KAT6B: variants seen among roughly 807,000 people sequenced by gnomAD.
KAT6B encodes lysine acetyltransferase 6B, also known as histone acetyltransferase KAT6B.
In KAT6B, 10 loss-of-function variants were observed where a neutral mutation model predicts 187.5. That is an observed-to-expected ratio of 0.05 (90% CI 0.03 to 0.09). The LOEUF (loss-of-function observed/expected upper bound fraction) is 0.09, where lower values mean the gene tolerates loss of function less well. Among genes scored for constraint, KAT6B ranks in the 10% least tolerant of loss-of-function variants. The probability of loss-of-function intolerance (pLI) is 1.00; values close to 1 mark genes in which losing one functional copy is unlikely to be tolerated. For missense variants in KAT6B, 1,952 were observed against 2,558.9 expected (o/e 0.76, Z 5.12); for synonymous variants, 861 against 926.8 (o/e 0.93, Z 1.29).
chr10:74,885,734 CTT>C (rs149580820), intron 3 of KAT6B, among the ~76,000 whole-genome samples: 34 of 135,438 alleles, frequency 2.5e-4, no homozygotes, highest in South Asian at 2.4e-4. Context: ...AGGAGAAGTT[CTT>C]TTTTTTTTTT....
In KAT6B at chr10:74,856,609, G is replaced by C. The variant is rs546874539; in HGVS notation, c.621+13131G>C. Among the ~76,000 whole-genome samples, 185 of 152,146 alleles carry C rather than the reference G, an allele frequency of 1.2e-3. 1 individual carries two copies. Among genetic ancestry groups the C allele is most frequent in the African/African-American group, 4.0e-3 (165 of 41,524 alleles). On this transcript the variant is annotated intron_variant, in intron 3 of 17. Coordinates refer to ENST00000287239, the MANE Select transcript of KAT6B (RefSeq NM_012330.4). ...AGTAAACATTTTTGACAAGAATAGCGTGTGGGGGTCTGGGAGTGGTGGCTC... is the reference window on the plus strand; with the variant it reads ...AGTAAACATTTTTGACAAGAATAGCCTGTGGGGGTCTGGGAGTGGTGGCTC...
intron 3 of KAT6B, among the ~76,000 whole-genome samples, chr10:74,916,489 T>C (rs999228929): frequency 3.3e-5 from 5 of 152,244 alleles, no homozygotes; most frequent in African/African-American, 1.2e-4. Context: ...CCCAGTGGTA[T>C]TGAATTTCAT....
chr10:75,017,105 T>A (rs990712513), intron 13 of KAT6B, among the ~76,000 whole-genome samples: 1 of 151,864 alleles, frequency 6.6e-6, no homozygotes, highest in African/African-American at 2.4e-5. Flanking sequence ...TCAGGTGATC[T>A]GCCCACCTCA....
intron 1 of KAT6B, among the ~76,000 whole-genome samples, chr10:74,828,332 C>G (rs1258683446): frequency 1.3e-5 from 2 of 151,806 alleles, no homozygotes; most frequent in African/African-American, 4.8e-5. Context: ...GTTGGAGGTA[C>G]CAAGGAAATT....
intron 3 of KAT6B, among the ~76,000 whole-genome samples, chr10:74,856,827 G>C (rs1842856544): frequency 2.6e-5 from 4 of 152,168 alleles, no homozygotes. Flanking sequence ...CTTGAATCCA[G>C]GAGATGGAGG....
At chr10:74,829,442 G>A in intron 1 of KAT6B, among the ~76,000 whole-genome samples, 1 of 151,742 alleles carries the variant, frequency 6.6e-6, no homozygotes, top group Non-Finnish European at 1.5e-5. Flanking sequence ...TTTGTACTGA[G>A]AGAAAAGGAA....
chr10:75,018,499 T>A (rs1284327034), intron 13 of KAT6B, among the ~76,000 whole-genome samples: 1 of 152,226 alleles, frequency 6.6e-6, no homozygotes, highest in Admixed American at 6.5e-5. Context: ...AGGGTGTGTG[T>A]GCACCACTTC....
In KAT6B at chr10:75,025,173, G is replaced by A. The variant is rs746321550; in HGVS notation, c.3588G>A (p.Gln1196=). 1 of 1,614,230 alleles carries A rather than the reference G, an allele frequency of 6.2e-7. No homozygotes were observed. The highest frequency in any genetic ancestry group is 1.1e-5 in the South Asian group (1 of 91,086). ...TCCTGAGAAAAGCATTCCAGCATCA[G>A]CCTGGGAAGAAAAGACAAACAGAGG... ...KPVLRKAFQH[Q]PGKKRQTEEE... Residue 1196 remains glutamine, a synonymous_variant, in exon 17 of 18, where the codon CAG becomes CAA. Coordinates refer to ENST00000287239, the MANE Select transcript of KAT6B (RefSeq NM_012330.4).
At chr10:74,927,973 G>T (rs1283137985) in intron 3 of KAT6B, among the ~76,000 whole-genome samples, 1 of 152,092 alleles carries the variant, frequency 6.6e-6, no homozygotes, top group Admixed American at 6.5e-5. Flanking sequence ...AGTGCTCCAG[G>T]AAAAAGAAAT....
At chr10:74,876,940 AC>A (rs1390607010) in intron 3 of KAT6B, among the ~76,000 whole-genome samples, 1 of 151,590 alleles carries the variant, frequency 6.6e-6, no homozygotes, top group Non-Finnish European at 1.5e-5. Context: ...AATAAAGAAA[AC>A]TTTTTTTTTG....
rs779092722 is a variant in KAT6B at position 75,021,976 on chromosome 10, A to G, written c.3117A>G (p.Val1039=). ...RANSRQSPAK[V]QSKNKYLHSP... is the part of the protein sequence containing the mutation. Reference sequence around the variant, plus strand: ...ACAGTAGGCAATCACCTGCAAAAGTACAATCGAAAAATAAATATTTGCATT... The same window carrying G: ...ACAGTAGGCAATCACCTGCAAAAGTGCAATCGAAAAATAAATATTTGCATT... Residue 1039 remains valine, a synonymous_variant, in exon 16 of 18, where the codon GTA becomes GTG. Coordinates refer to ENST00000287239, the MANE Select transcript of KAT6B (RefSeq NM_012330.4). 11 of 1,614,092 alleles carry G rather than the reference A, an allele frequency of 6.8e-6. No individual in the cohort carries two copies. The Admixed American group carries it at 1.8e-4, about 27-fold the overall frequency.
At chr10:74,971,662 C>G (rs1841854559) in intron 6 of KAT6B, among the ~76,000 whole-genome samples, 1 of 152,004 alleles carries the variant, frequency 6.6e-6, no homozygotes. Flanking sequence ...TTTGCAGAAG[C>G]TCTTTTTTTG....
chr10:74,930,582 T>C (rs1049725008), intron 3 of KAT6B, among the ~76,000 whole-genome samples: 14 of 152,248 alleles, frequency 9.2e-5, no homozygotes, highest in African/African-American at 2.9e-4. Flanking sequence ...GTTCTTTTAT[T>C]TGATGTGACA....
Position 75,029,145 on chromosome 10 carries a change from A to G in KAT6B, c.4321A>G (p.Lys1441Glu). ...CCACATGGAGTCTGCCGAAGTGGAGAAGGAAGAGCTGCCCAGAGAAAGCTT... is the reference window on the plus strand; with the variant it reads ...CCACATGGAGTCTGCCGAAGTGGAGGAGGAAGAGCTGCCCAGAGAAAGCTT... ...DSHMESAEVE[K>E]EELPRESFKE... The change falls in exon 18 of 18, where the codon AAG (lysine) becomes GAG (glutamate). Residue 1441 changes from lysine to glutamate, a missense_variant. Physicochemically the swap from Lys to Glu is moderately conservative, Grantham distance 56. This residue lies in a region of KAT6B where 758 missense variants were observed against 891.4 expected (regional missense o/e 0.85). Coordinates refer to ENST00000287239, the MANE Select transcript of KAT6B (RefSeq NM_012330.4). The surrounding 1 kb of genome is among the most constrained non-coding windows in gnomAD (Gnocchi z 6.2). 6.2e-7 allele frequency: 1 copy of G among 1,614,154 alleles called. No individual in the cohort carries two copies. The highest frequency in any genetic ancestry group is 1.3e-5 in the African/African-American group (1 of 75,012).
intron 3 of KAT6B, among the ~76,000 whole-genome samples, chr10:74,950,878 C>A (rs57915422): frequency 6.6e-6 from 1 of 151,892 alleles, no homozygotes; most frequent in Non-Finnish European, 1.5e-5. Context: ...CAGCACCAGC[C>A]GAGGCAGGTG....
At chr10:75,010,970 A>G (rs1044827634) in intron 13 of KAT6B, among the ~76,000 whole-genome samples, 3 of 152,196 alleles carry the variant, frequency 2.0e-5, no homozygotes, top group East Asian at 3.8e-4. Flanking sequence ...TTTAAAGTGT[A>G]TATGTGTTCG....
rs1589457121 is a variant in KAT6B, at chr10:74,845,507, G to A, written c.621+2029G>A. ...ACTGCACTCCAGCCTGGGTGACAGAGCGAGACTCTGTCTCAAAAAAAAAAA... is the reference window on the plus strand; with the variant it reads ...ACTGCACTCCAGCCTGGGTGACAGAACGAGACTCTGTCTCAAAAAAAAAAA... On this transcript the variant is annotated intron_variant, in intron 3 of 17. Coordinates refer to ENST00000287239, the MANE Select transcript of KAT6B (RefSeq NM_012330.4). 2.2e-5 allele frequency among the ~76,000 whole-genome samples: 3 copies of A among 134,340 alleles called. 1 individual carries two copies. Among genetic ancestry groups the A allele is most frequent in the African/African-American group, 9.1e-5 (3 of 33,092 alleles). 88.1% of individuals were successfully genotyped at this position (134,340 alleles called of 152,430 possible). A position where few individuals can be genotyped will look rare whatever the true frequency, so the allele number is the denominator to read the frequency against.
intron 3 of KAT6B, among the ~76,000 whole-genome samples, chr10:74,918,579 C>A (rs1847883403): frequency 6.6e-6 from 1 of 151,838 alleles, no homozygotes; most frequent in Non-Finnish European, 1.5e-5. Flanking sequence ...CTTGTCTTTT[C>A]AAAAAATACA....
intron 13 of KAT6B, among the ~76,000 whole-genome samples, chr10:74,998,147 T>A (rs1248071280): frequency 6.6e-6 from 1 of 151,922 alleles, no homozygotes; most frequent in Admixed American, 6.6e-5. Context: ...AGAGACAGGG[T>A]CTTGCTATGT....
Sources: gnomAD v4.1 joint callset for allele counts (sites outside exome capture counted in the v4.1 genomes callset) on GRCh38, gnomAD v4.1.1 for gene constraint, gnomAD v4.1.1 regional missense constraint, Gnocchi (gnomAD v3.1) non-coding constraint, MANE v1.5 for transcripts, NCBI Gene and HGNC (gene_info 2026-07-23, HGNC 2026-07-21) for gene names.